The following SUMF1 variants were observed in gnomAD, a reference collection of about 807,000 sequenced individuals.
The protein encoded by SUMF1 is formylglycine-generating enzyme.
Under a neutral mutation model 47.6 loss-of-function variants are expected in SUMF1, and 48 were observed. That is an observed-to-expected ratio of 1.01 (90% CI 0.80 to 1.28). The LOEUF (loss-of-function observed/expected upper bound fraction) is 1.28, where lower values mean the gene tolerates loss of function less well. Ranked by LOEUF, SUMF1 falls within the 50% of genes most tolerant of loss-of-function variation. The probability of loss-of-function intolerance (pLI) is 0.00; values close to 1 mark genes in which losing one functional copy is unlikely to be tolerated. For synonymous variants in SUMF1, 230 were observed against 192.1 expected (o/e 1.20, Z -1.63); for missense variants, 571 against 485.4 (o/e 1.18, Z -1.66).
At chr3:4,227,171 A>G (rs6773056) in intron 8 of SUMF1, among the ~76,000 whole-genome samples, 56,628 of 151,964 alleles carry the variant, frequency 0.37, 11,255 homozygotes, top group Non-Finnish European at 0.45. Flanking sequence ...GTATAACGAT[A>G]TGGTTACAAC....
At chr3:4,126,956 G>A (rs1046531778) in intron 8 of SUMF1, among the ~76,000 whole-genome samples, 11 of 152,156 alleles carry the variant, frequency 7.2e-5, no homozygotes, top group African/African-American at 2.4e-4. Context: ...ATTCCACATC[G>A]TGAAGAAGAA....
chr3:4,208,426 A>G (rs1026380712), intron 8 of SUMF1, among the ~76,000 whole-genome samples: 1 of 149,260 alleles, frequency 6.7e-6, no homozygotes, highest in Non-Finnish European at 1.5e-5. Context: ...CCAGTATATC[A>G]TGTCAACCTT....
At chr3:4,319,342 T>G (rs1018152504) in intron 8 of SUMF1, among the ~76,000 whole-genome samples, 4 of 152,188 alleles carry the variant, frequency 2.6e-5, no homozygotes, top group Non-Finnish European at 5.9e-5. Context: ...AAAGAAGTAT[T>G]TCACTGGGTG....
chr3:4,462,448 C>G (rs1315100896), intron 1 of SUMF1, among the ~76,000 whole-genome samples: 1 of 152,196 alleles, frequency 6.6e-6, no homozygotes, highest in Admixed American at 6.5e-5. Context: ...GCCCTGTATC[C>G]AGGTGTGTCT....
At chr3:4,415,393 A>G (rs761532940) in intron 6 of SUMF1, among the ~76,000 whole-genome samples, 20 of 152,200 alleles carry the variant, frequency 1.3e-4, no homozygotes, top group Admixed American at 1.2e-3. Context: ...ACTCTTGTAC[A>G]CCCATAAAGG....
At chr3:4,299,626 C>T (rs1214209805) in intron 8 of SUMF1, among the ~76,000 whole-genome samples, 1 of 152,012 alleles carries the variant, frequency 6.6e-6, no homozygotes, top group Non-Finnish European at 1.5e-5. Context: ...ATGGTCAATT[C>T]GGTGAAACCC....
intron 7 of SUMF1, among the ~76,000 whole-genome samples, chr3:4,401,449 C>A (rs1434934633): frequency 1.3e-5 from 2 of 152,112 alleles, no homozygotes; most frequent in Non-Finnish European, 2.9e-5. Context: ...TAAAAACACC[C>A]TCTTAACCAT....
intron 7 of SUMF1, among the ~76,000 whole-genome samples, chr3:4,394,661 T>TAAGCA (rs776763498): frequency 4.6e-5 from 7 of 152,228 alleles, no homozygotes; most frequent in Non-Finnish European, 8.8e-5. Flanking sequence ...AGACATTTAC[T>TAAGCA]AAGCAACCTA....
chr3:4,144,269 C>T (rs795293), intron 8 of SUMF1, among the ~76,000 whole-genome samples: 44,530 of 151,868 alleles, frequency 0.29, 6,847 homozygotes, highest in East Asian at 0.4. Context: ...ACTCGGCCCA[C>T]TTTCTTCTTA....
chr3:4,341,011 T>C (rs1269461269), intron 8 of SUMF1, among the ~76,000 whole-genome samples: 5 of 152,308 alleles, frequency 3.3e-5, no homozygotes, highest in Middle Eastern at 3.4e-3. Context: ...TTAGGAGATA[T>C]ACGTGCTGTA....
At chr3:4,094,323 G>C (rs1692853591) in intron 8 of SUMF1, among the ~76,000 whole-genome samples, 1 of 152,080 alleles carries the variant, frequency 6.6e-6, no homozygotes, top group South Asian at 2.1e-4. Context: ...ACTGGAGATA[G>C]AAAGATGGTA....
intron 7 of SUMF1, among the ~76,000 whole-genome samples, chr3:4,396,518 T>G (rs1365200762): frequency 6.6e-6 from 1 of 152,150 alleles, no homozygotes; most frequent in African/African-American, 2.4e-5. Flanking sequence ...GCTCTATCCT[T>G]TCCCTTCTGG....
At chr3:4,132,520 G>A (rs757175864) in intron 8 of SUMF1, among the ~76,000 whole-genome samples, 1 of 152,064 alleles carries the variant, frequency 6.6e-6, no homozygotes, top group Non-Finnish European at 1.5e-5. Context: ...CATCGGTCCA[G>A]GTATCAAGGG....
intron 9 of SUMF1, among the ~76,000 whole-genome samples, chr3:4,037,826 A>T (rs999796234): frequency 1.3e-5 from 2 of 151,992 alleles, no homozygotes; most frequent in Admixed American, 6.6e-5. Flanking sequence ...TGGTCAGTAG[A>T]CTTCTTTTCT....
intron 9 of SUMF1, among the ~76,000 whole-genome samples, chr3:4,043,597 A>G (rs1364614578): frequency 1.3e-5 from 2 of 151,974 alleles, no homozygotes; most frequent in African/African-American, 2.4e-5. Context: ...CCAGTTCTCT[A>G]TTAATTTAAA....
chr3:4,066,305 T>C (rs984337819), intron 9 of SUMF1, among the ~76,000 whole-genome samples: 1 of 152,060 alleles, frequency 6.6e-6, no homozygotes, highest in Non-Finnish European at 1.5e-5. Context: ...ATGGTTTTCA[T>C]AAAACGATCT....
At chr3:4,453,100 C>A in intron 1 of SUMF1, 51 bp from the exon 2 acceptor site, 1 of 1,566,862 alleles carries the variant, frequency 6.4e-7, no homozygotes, top group South Asian at 1.1e-5. Flanking sequence ...CCAAGGTGTA[C>A]CTGTGTAGGG....
At chr3:4,432,456 C>A (rs1702262836) in intron 3 of SUMF1, among the ~76,000 whole-genome samples, 1 of 152,042 alleles carries the variant, frequency 6.6e-6, no homozygotes, top group Admixed American at 6.6e-5. Flanking sequence ...AAACCAAACA[C>A]CTTTGAGGCC....
intron 8 of SUMF1, among the ~76,000 whole-genome samples, chr3:4,233,462 G>A (rs1283852522): frequency 6.6e-6 from 1 of 151,942 alleles, no homozygotes; most frequent in Non-Finnish European, 1.5e-5. Flanking sequence ...TGAGAAAGTA[G>A]TCAACTTAGA....
Sources: gnomAD v4.1 joint callset for allele counts (sites outside exome capture counted in the v4.1 genomes callset) on GRCh38, gnomAD v4.1.1 for gene constraint, MANE v1.5 for transcripts, NCBI Gene and HGNC (gene_info 2026-07-23, HGNC 2026-07-21) for gene names.